Variants in UNC45B observed in about 807,000 individuals in gnomAD.
The protein encoded by UNC45B is protein unc-45 homolog B.
A neutral mutation model predicts 98.7 loss-of-function variants in UNC45B; 78 were observed. The ratio of observed to expected loss-of-function variants is 0.79; its 90% confidence interval spans 0.66 to 0.95. The LOEUF (loss-of-function observed/expected upper bound fraction) is 0.95, where lower values mean the gene tolerates loss of function less well. Ranked by LOEUF, UNC45B falls within the 40% of genes least tolerant of loss-of-function variation. The pLI is 0.00. For missense variants in UNC45B, 1,225 were observed against 1,184.9 expected, an observed-to-expected ratio of 1.03 and a Z score of -0.50; for synonymous variants, 462 against 480.4, an observed-to-expected ratio of 0.96 and a Z score of 0.50.
chr17:35,159,579 G>A (rs1296145437), intron 8 of UNC45B, 34 bp downstream of exon 8: 2 of 1,600,058 alleles, frequency 1.2e-6, no homozygotes, highest in Non-Finnish European at 1.7e-6. Context: ...GCTTGCTCAA[G>A]CCTTTTAAGT....
Position 35,171,359 on chromosome 17 carries a change from C to A in UNC45B, c.1727C>A (p.Thr576Asn). The A allele has an allele frequency of 1.2e-6, 2 of 1,614,226 alleles. No homozygotes were observed. Among genetic ancestry groups the A allele is most frequent in the African/African-American group, 2.7e-5 (2 of 75,052 alleles). ...ACCATCCTGTACTCGGTGGCCACCACCCTGGTGAACTGCACCAACAGCTAC... is the reference window on the plus strand; with the variant it reads ...ACCATCCTGTACTCGGTGGCCACCAACCTGGTGAACTGCACCAACAGCTAC... ...DKTILYSVAT[T>N]LVNCTNSYDV... is the part of the protein sequence containing the mutation. Residue 576 changes from threonine (T) to asparagine (N), a missense_variant, in exon 13 of 20, where the codon ACC becomes AAC. Physicochemically the swap from Thr to Asn is moderately conservative, Grantham distance 65 (BLOSUM62 0). Coordinates refer to ENST00000394570, the MANE Select transcript of UNC45B (RefSeq NM_001267052.2).
Position 35,176,009 on chromosome 17 carries a change from C to T in UNC45B, c.2000C>T (p.Thr667Ile). 1 of 1,614,150 alleles carries T rather than the reference C, an allele frequency of 6.2e-7. No homozygotes were observed. Among genetic ancestry groups the T allele is most frequent in the South Asian group, 1.1e-5 (1 of 91,076 alleles). The change falls in exon 15 of 20, where the codon ACC becomes ATC. Residue 667 changes from threonine (T) to isoleucine (I), a missense_variant. Transcript: ENST00000394570. ...ALCDNPKDRG[T>I]IVAQGGGKAL... is the part of the protein sequence containing the mutation. ...TGTGACAACCCAAAGGACCGAGGCACCATTGTGGCTCAAGGTGGTGGCAAG... is the reference window on the plus strand; with the variant it reads ...TGTGACAACCCAAAGGACCGAGGCATCATTGTGGCTCAAGGTGGTGGCAAG...
chr17:35,180,548 T>A lies in UNC45B; in HGVS notation c.2256-11T>A, dbSNP rs780442309. The A allele has an allele frequency of 3.7e-6, 6 of 1,611,284 alleles. No individual in the cohort carries two copies. The highest frequency in any genetic ancestry group is 3.4e-6 in the Non-Finnish European group (4 of 1,177,758). Reference sequence around the variant, plus strand: ...CTCAAGGGTCTTTCTTCCTCCACCCTCCTACCCTAGGCAGAAGATCTTTAA... The same window carrying A: ...CTCAAGGGTCTTTCTTCCTCCACCCACCTACCCTAGGCAGAAGATCTTTAA... On this transcript the variant is annotated splice_polypyrimidine_tract_variant and intron_variant, in intron 17 of 19. Transcript: ENST00000394570.
At chr17:35,182,640 G>T (rs1182680270) in intron 18 of UNC45B, among the ~76,000 whole-genome samples, 1 of 152,088 alleles carries the variant, frequency 6.6e-6, no homozygotes. Context: ...CCATGAGAGG[G>T]GGCCATGCTG....
At position 35,182,251 on chromosome 17, in the gene UNC45B, G is replaced by A. The variant is rs905616852; in HGVS notation, c.2374-1176G>A. On this transcript the variant is annotated intron_variant, in intron 18 of 19. Coordinates refer to ENST00000394570, the MANE Select transcript of UNC45B (RefSeq NM_001267052.2). ...ACTACAGGCGCGTGCCACCACCCCT[G>A]GCTAATCTTTTGTATTTTTAGTAGA... 4.6e-5 allele frequency among the ~76,000 whole-genome samples: 7 copies of A among 152,054 alleles called. No individual in the cohort carries two copies. The South Asian group carries it at 1.3e-3, about 27-fold the overall frequency.
rs151303445 is a variant in UNC45B, at chr17:35,183,486, C to A, written c.2433C>A (p.Cys811Ter). Residue 811 changes from cysteine to a stop codon, truncating the protein, a stop_gained, in exon 19 of 20, where the codon TGC becomes TGA. Transcript: ENST00000394570. LOFTEE classifies it high-confidence loss of function. ...GGCTGAAGCTGGTGGTGCTGCTCTGCGGGGAGGATGATGATAAGGTGCAGA... is the reference window on the plus strand; with the variant it reads ...GGCTGAAGCTGGTGGTGCTGCTCTGAGGGGAGGATGATGATAAGGTGCAGA... ...NDRLKLVVLLCGEDDDKVQNA... is the reference protein window; with the variant it reads ...NDRLKLVVLL 6.2e-7 allele frequency: 1 copy of A among 1,604,930 alleles called. No individual in the cohort carries two copies. The highest frequency in any genetic ancestry group is 1.1e-5 in the South Asian group (1 of 89,758).
At position 35,174,384 on chromosome 17, in the gene UNC45B, G is replaced by A. The variant is rs1237505618; in HGVS notation, c.1958+15G>A. Reference sequence around the variant, plus strand: ...CTGCTGGCCAGGTGGGGCTGCAGTGGGCCAAGGCTTGGAACTAGGGCTGGG... The same window carrying A: ...CTGCTGGCCAGGTGGGGCTGCAGTGAGCCAAGGCTTGGAACTAGGGCTGGG... On this transcript the variant is annotated intron_variant, in intron 14 of 19. Coordinates refer to ENST00000394570, the MANE Select transcript of UNC45B (RefSeq NM_001267052.2). The A allele has an allele frequency of 2.5e-6, 4 of 1,613,848 alleles. No individual in the cohort carries two copies. Among genetic ancestry groups the A allele is most frequent in the Non-Finnish European group, 3.4e-6 (4 of 1,179,944 alleles).
chr17:35,157,318 C>A (rs1597910142), intron 7 of UNC45B, among the ~76,000 whole-genome samples: 1 of 152,102 alleles, frequency 6.6e-6, no homozygotes, highest in South Asian at 2.1e-4. Context: ...CAGCTCATTG[C>A]AACCTCCACC....
In UNC45B at chr17:35,183,479, T is replaced by C; in HGVS notation, c.2426T>C (p.Leu809Pro). 1.2e-6 allele frequency: 2 copies of C among 1,605,014 alleles called. No individual in the cohort carries two copies. Among genetic ancestry groups the C allele is most frequent in the Non-Finnish European group, 1.7e-6 (2 of 1,175,182 alleles). The change falls in exon 19 of 20, where the codon CTG (leucine) becomes CCG (proline). Residue 809 changes from leucine to proline, a missense_variant. By Grantham distance (98) the Leu-to-Pro change is moderately conservative. Transcript: ENST00000394570. ...DGNDRLKLVV[L>P]LCGEDDDKVQ... ...AATGACCGGCTGAAGCTGGTGGTGC[T>C]GCTCTGCGGGGAGGATGATGATAAG...
intron 2 of UNC45B, among the ~76,000 whole-genome samples, 198 bp downstream of exon 2, chr17:35,148,629 A>G (rs2091993784): frequency 6.6e-6 from 1 of 152,162 alleles, no homozygotes; most frequent in South Asian, 2.1e-4. Flanking sequence ...AATCAGCCCA[A>G]TGCCAGGTGC....
rs752124873 is a variant in UNC45B at position 35,176,043 on chromosome 17, G to T, written c.2025+9G>T. On this transcript the variant is annotated intron_variant, in intron 15 of 19. Coordinates refer to ENST00000394570, the MANE Select transcript of UNC45B (RefSeq NM_001267052.2). ...CTCAAGGTGGTGGCAAGGTAACTGG[G>T]CAGGTGCCTTCCTAGAAGGTGCCTT... 1 of 1,613,996 alleles carries T rather than the reference G, an allele frequency of 6.2e-7. No individual in the cohort carries two copies. The highest frequency in any genetic ancestry group is 2.2e-5 in the East Asian group (1 of 44,876).
rs2092209352 is a variant in UNC45B, at chr17:35,174,128, G to A, written c.1831-114G>A. 4 of 1,431,380 alleles carry A rather than the reference G, an allele frequency of 2.8e-6. No homozygotes were observed. In the South Asian group the frequency reaches 3.8e-5, roughly 14 times the overall value. The allele number at this position is 1,431,380 out of a possible 1,614,324, so 88.7% of individuals were successfully genotyped here. A position where few individuals can be genotyped will look rare whatever the true frequency, so the allele number is the denominator to read the frequency against. The stretch of plus-strand genomic sequence containing the variant: ...GCCTGGCCAGGCCATGGACATCTTT[G>A]GAGGCCATTATTCAACCAACCCCAA... On this transcript the variant is annotated intron_variant, in intron 13 of 19. Transcript: ENST00000394570.
intron 19 of UNC45B, among the ~76,000 whole-genome samples, chr17:35,184,031 G>T (rs1249208283): frequency 6.6e-6 from 1 of 152,194 alleles, no homozygotes; most frequent in African/African-American, 2.4e-5. Flanking sequence ...TAATGGAAAT[G>T]ATATCTGTAT....
At chr17:35,150,299 G>A in intron 4 of UNC45B, 76 bp downstream of exon 4, 1 of 1,505,776 alleles carries the variant, frequency 6.6e-7, no homozygotes, top group Non-Finnish European at 8.9e-7. Context: ...GGTTAGGGAG[G>A]TGGGTCATCA....
rs924133453 is a variant in UNC45B, at chr17:35,159,632, T to C, written c.979+87T>C. 4.9e-6 allele frequency: 7 copies of C among 1,438,428 alleles called. No homozygotes were observed. In the African/African-American group the frequency reaches 7.0e-5, roughly 14 times the overall value. 89.1% of individuals were successfully genotyped at this position (1,438,428 alleles called of 1,614,324 possible). ...ACAGAAAATGGAAGATGTGAGGCTC[T>C]TGAAGGGGTCTTCAGTTCTAACTGA... On this transcript the variant is annotated intron_variant, in intron 8 of 19. Transcript: ENST00000394570.
Position 35,183,526 on chromosome 17 carries a change from G to C in UNC45B, c.2473G>C (p.Ala825Pro). ...TAAGGTGCAGAATGCGGCTGCAGGG[G>C]CTCTGGCCATGCTGACAGCAGCACA... ...DDKVQNAAAG[A>P]LAMLTAAHKK... Residue 825 changes from alanine (A) to proline (P), a missense_variant, in exon 19 of 20, where the codon GCT becomes CCT. Transcript: ENST00000394570. 1 of 1,603,470 alleles carries C rather than the reference G, an allele frequency of 6.2e-7. No individual in the cohort carries two copies. Among genetic ancestry groups the C allele is most frequent in the Non-Finnish European group, 8.5e-7 (1 of 1,174,474 alleles).
chr17:35,153,480 G>A (rs1005306332), intron 5 of UNC45B, among the ~76,000 whole-genome samples: 1 of 137,554 alleles, frequency 7.3e-6, no homozygotes, highest in Non-Finnish European at 1.6e-5. Context: ...AACCAAACTT[G>A]TTACCTTTTT....
Position 35,163,921 on chromosome 17 carries a change from A to T in UNC45B, c.980-74A>T, listed in dbSNP as rs186108233. The T allele has an allele frequency of 5.7e-5, 82 of 1,445,298 alleles. No individual in the cohort carries two copies. In the African/African-American group the frequency reaches 9.5e-4, roughly 17 times the overall value. 89.5% of individuals were successfully genotyped at this position (1,445,298 alleles called of 1,614,324 possible). A position where few individuals can be genotyped will look rare whatever the true frequency, so the allele number is the denominator to read the frequency against. On this transcript the variant is annotated intron_variant, in intron 8 of 19. Coordinates refer to ENST00000394570, the MANE Select transcript of UNC45B (RefSeq NM_001267052.2). ...GGCTGGAGAGAAGCTGATGATAACA[A>T]GTCACTGAGTGAGGGGTGTGTGTGA...
intron 8 of UNC45B, among the ~76,000 whole-genome samples, chr17:35,160,402 G>T (rs989677070): frequency 6.6e-6 from 1 of 152,150 alleles, no homozygotes; most frequent in Non-Finnish European, 1.5e-5. Context: ...TTGGTTTAGG[G>T]AGTTGGGGGT....
Sources: allele counts gnomAD v4.1 joint callset (sites outside exome capture counted in the v4.1 genomes callset), GRCh38; gene constraint gnomAD v4.1.1; transcripts MANE v1.5; gene names NCBI Gene and HGNC (gene_info 2026-07-23, HGNC 2026-07-21).